Variants in BRSK2 observed in about 807,000 individuals in gnomAD.
The protein encoded by BRSK2 is BR serine/threonine kinase 2.
In BRSK2, 19 loss-of-function variants were observed where a neutral mutation model predicts 83.3. The ratio of observed to expected loss-of-function variants is 0.23; its 90% CI spans 0.16 to 0.33. The LOEUF is 0.33. Ranked by LOEUF, BRSK2 falls within the 10% of genes least tolerant of loss-of-function variation. The pLI, the probability that BRSK2 is intolerant of heterozygous loss-of-function variation, is 1.00. For missense variants in BRSK2, 798 were observed against 1,042.3 expected (o/e 0.77, Z 3.23); for synonymous variants, 519 against 435.4 (o/e 1.19, Z -2.39).
intron 1 of BRSK2, among the ~76,000 whole-genome samples, chr11:1,425,315 G>A (rs1056659853): frequency 2.0e-5 from 3 of 152,174 alleles, no homozygotes; most frequent in Admixed American, 6.5e-5. Flanking sequence ...GGGGGGTCCC[G>A]CAGGCTGTGT....
chr11:1,427,126 C>T (rs1410540947), intron 1 of BRSK2, among the ~76,000 whole-genome samples: 1 of 152,160 alleles, frequency 6.6e-6, no homozygotes, highest in Non-Finnish European at 1.5e-5. Context: ...CCCCCCATCC[C>T]CTCTCTCCCC....
rs56043703 is a variant in BRSK2, at chr11:1,459,286, C to T, written c.1987+47C>T. 9.5e-3 allele frequency: 15,301 copies of T among 1,605,450 alleles called. 1,313 individuals are homozygous for T. In the African/African-American group the frequency reaches 0.18, roughly 19 times the overall value. ...CTGGCACCTCCACCTGCCACTTCAC[C>T]GCTCACCCTCAGCCCGCTGTGGCCG... is the stretch of plus-strand genomic sequence containing the variant. On this transcript the variant is annotated intron_variant, in intron 19 of 19. Transcript: ENST00000528841.
In BRSK2 at chr11:1,450,510, C is replaced by T. The variant is rs1045570850; in HGVS notation, c.1288-77C>T. 34 of 709,812 alleles carry T rather than the reference C, an allele frequency of 4.8e-5. 1 individual carries two copies. The highest frequency in any genetic ancestry group is 6.1e-5 in the Non-Finnish European group (26 of 424,194). 44.0% of individuals were successfully genotyped at this position (709,812 alleles called of 1,614,324 possible). On this transcript the variant is annotated intron_variant, in intron 13 of 19. Coordinates refer to ENST00000528841, the MANE Select transcript of BRSK2 (RefSeq NM_001256627.2). ...CCCCAGCTGGCACCACCCCTGGGCC[C>T]GCCTGCCCTGCGGGTGCCCCCCCGG...
At chr11:1,459,587 C>T (rs1847148304) in intron 19 of BRSK2, 1 of 328,184 alleles carries the variant, frequency 3.0e-6, no homozygotes, top group Non-Finnish European at 5.8e-6. Flanking sequence ...ATCCCTCTGT[C>T]CACTGGAGGC....
At chr11:1,402,976 C>G (rs1846593874) in intron 1 of BRSK2, among the ~76,000 whole-genome samples, 1 of 152,146 alleles carries the variant, frequency 6.6e-6, no homozygotes, top group Non-Finnish European at 1.5e-5. Context: ...AGCGCCCTCT[C>G]CAGCAAAAGC....
At chr11:1,405,959 A>C (rs1213691617) in intron 1 of BRSK2, among the ~76,000 whole-genome samples, 1 of 151,168 alleles carries the variant, frequency 6.6e-6, no homozygotes, top group Non-Finnish European at 1.5e-5. Flanking sequence ...TTCCATCCCC[A>C]GCCTTCCCAG....
chr11:1,435,991 G>A lies in BRSK2; in HGVS notation c.92-49G>A, dbSNP rs368748659. 1,344 of 1,456,144 alleles carry A rather than the reference G, an allele frequency of 9.2e-4. 3 individuals carry two copies. The highest frequency in any genetic ancestry group is 1.1e-3 in the Non-Finnish European group (1,153 of 1,055,648). The allele number at this position is 1,456,144 out of a possible 1,614,324, so 90.2% of individuals were successfully genotyped here. ...ACCTGCACTGTCCGGCTGGGTGCTC[G>A]CTGCAGGCACCCTGGGTGGGTCTGA... On this transcript the variant is annotated intron_variant, in intron 1 of 19. Transcript: ENST00000528841.
At chr11:1,437,231 C>T (rs1176499033) in intron 2 of BRSK2, among the ~76,000 whole-genome samples, 1 of 152,152 alleles carries the variant, frequency 6.6e-6, no homozygotes, top group African/African-American at 2.4e-5. Context: ...GTGTCCCTGT[C>T]ACCTGCAGGC....
At position 1,456,521 on chromosome 11, in the gene BRSK2, G is replaced by A; in HGVS notation, c.1842G>A (p.Leu614=). 6.3e-7 allele frequency: 1 copy of A among 1,587,290 alleles called. No homozygotes were observed. The highest frequency in any genetic ancestry group is 8.6e-7 in the Non-Finnish European group (1 of 1,166,364). ...GCATCTACTCCGTCACCTTCACCCTGCTCTCAGGTGAGCTGGCGCCCCCAG... is the reference window on the plus strand; with the variant it reads ...GCATCTACTCCGTCACCTTCACCCTACTCTCAGGTGAGCTGGCGCCCCCAG... The part of the protein sequence containing the change: ...ENGIYSVTFT[L]LSGPSRRFKR... The change falls in exon 17 of 20, where the codon CTG becomes CTA. Residue 614 remains leucine, a synonymous_variant. Coordinates refer to ENST00000528841, the MANE Select transcript of BRSK2 (RefSeq NM_001256627.2).
chr11:1,396,185 T>C (rs2334655), intron 1 of BRSK2, among the ~76,000 whole-genome samples: 12,709 of 79,048 alleles, frequency 0.16, 1,487 homozygotes, highest in Non-Finnish European at 0.19. Flanking sequence ...GCTCCTCGTC[T>C]CTCTTCCCTT....
chr11:1,448,065 C>T (rs981673800), intron 12 of BRSK2, among the ~76,000 whole-genome samples: 12 of 152,282 alleles, frequency 7.9e-5, no homozygotes, highest in Non-Finnish European at 1.3e-4. Flanking sequence ...GCGTGGCCCA[C>T]GCCTGCCTGT....
In BRSK2 at chr11:1,460,538, C is replaced by CT. The variant is rs1847340678; in HGVS notation, c.2032dup (p.Ser678PhefsTer26). The CT allele has an allele frequency of 1.5e-6, 2 of 1,364,562 alleles. No individual in the cohort carries two copies. The highest frequency in any genetic ancestry group is 1.9e-6 in the Non-Finnish European group (2 of 1,047,842). 84.5% of individuals were successfully genotyped at this position (1,364,562 alleles called of 1,614,324 possible). On this transcript the variant is annotated frameshift_variant, in exon 20 of 20. Coordinates refer to ENST00000528841, the MANE Select transcript of BRSK2 (RefSeq NM_001256627.2). LOFTEE classifies it high-confidence loss of function. Reference sequence around the variant, plus strand: ...TAACTTCTTTGACGTAATTAAACAACTTTTTTCAGACGAGAAGAACGGGCA... The same window carrying CT: ...TAACTTCTTTGACGTAATTAAACAACTTTTTTTCAGACGAGAAGAACGGGCA...
At chr11:1,437,131 G>A (rs1850421713) in intron 2 of BRSK2, among the ~76,000 whole-genome samples, 3 of 152,060 alleles carry the variant, frequency 2.0e-5, no homozygotes. Context: ...GATCCAGTGC[G>A]GGGCGTAGCT....
chr11:1,446,576 G>A (rs912569142), intron 12 of BRSK2, among the ~76,000 whole-genome samples: 2 of 152,214 alleles, frequency 1.3e-5, no homozygotes, highest in Admixed American at 1.3e-4. Flanking sequence ...CAAGTGTGGT[G>A]TGTGTGGCCA....
intron 3 of BRSK2, among the ~76,000 whole-genome samples, chr11:1,439,547 C>CG (rs1204431913): frequency 3.4e-5 from 4 of 118,674 alleles, no homozygotes; most frequent in South Asian, 5.6e-4. Context: ...CAGGGGAGTG[C>CG]GGGGGGGATG....
chr11:1,436,251 C>G (rs116324530), intron 2 of BRSK2, 117 bp downstream of exon 2: 1 of 680,768 alleles, frequency 1.5e-6, no homozygotes, highest in Non-Finnish European at 2.3e-6. Context: ...GGGGGGCGGG[C>G]CCTGCAGGCT....
rs368988895 is a variant in BRSK2 at position 1,443,481 on chromosome 11, G to T, written c.634-8G>T. Reference sequence around the variant, plus strand: ...CCCACGCTGACCCCCACACCCGGCCGCCCGCAGGGGGCTCTGCCCTTCGAC... The same window carrying T: ...CCCACGCTGACCCCCACACCCGGCCTCCCGCAGGGGGCTCTGCCCTTCGAC... On this transcript the variant is annotated splice_region_variant and splice_polypyrimidine_tract_variant and intron_variant, in intron 7 of 19. Coordinates refer to ENST00000528841, the MANE Select transcript of BRSK2 (RefSeq NM_001256627.2). 6.3e-7 allele frequency: 1 copy of T among 1,581,956 alleles called. No individual in the cohort carries two copies.
chr11:1,428,542 G>C (rs940048346), intron 1 of BRSK2, among the ~76,000 whole-genome samples: 2 of 152,190 alleles, frequency 1.3e-5, no homozygotes. Context: ...CCAGTGCTCC[G>C]AGACTTGGCT....
intron 1 of BRSK2, among the ~76,000 whole-genome samples, chr11:1,428,292 C>G (rs1292637446): frequency 6.6e-6 from 1 of 152,234 alleles, no homozygotes; most frequent in Non-Finnish European, 1.5e-5. Context: ...AGCCCCCAGA[C>G]TCCAGCCTCA....
Sources: allele counts gnomAD v4.1 joint callset (sites outside exome capture counted in the v4.1 genomes callset), GRCh38; gene constraint gnomAD v4.1.1; transcripts MANE v1.5; gene names NCBI Gene and HGNC (gene_info 2026-07-23, HGNC 2026-07-21).